GYS2: variants seen among roughly 807,000 people sequenced by gnomAD.
GYS2 encodes the protein glycogen synthase 2.
GYS2 carries 80 observed loss-of-function variants against 85.6 expected under a neutral mutation model. The observed-to-expected ratio is 0.93, with a 90% confidence interval of 0.78 to 1.13. GYS2 has a LOEUF of 1.13. Ranked by LOEUF, GYS2 falls within the 50% of genes most tolerant of loss-of-function variation. The pLI is 0.00. For missense variants in GYS2, 881 were observed against 854.9 expected (o/e 1.03, Z -0.38); for synonymous variants, 328 against 300.7 (o/e 1.09, Z -0.94).
intron 2 of GYS2, among the ~76,000 whole-genome samples, chr12:21,579,219 A>G (rs1339739443): frequency 2.0e-5 from 3 of 152,194 alleles, no homozygotes; most frequent in Non-Finnish European, 4.4e-5. Context: ...CCAATAGCCT[A>G]GTGGCTTAAA....
In GYS2 at chr12:21,600,356, G is replaced by T. The variant is rs1179900614; in HGVS notation, c.121+4116C>A. 2.0e-5 allele frequency among the ~76,000 whole-genome samples: 3 copies of T among 151,976 alleles called. No individual in the cohort carries two copies. The East Asian group carries it at 5.8e-4, about 29-fold the overall frequency. On this transcript the variant is annotated intron_variant, in intron 1 of 15. Coordinates refer to ENST00000261195, the MANE Select transcript of GYS2 (RefSeq NM_021957.4). ...TTCCCCAGGCTGGTATCCAACTCTT[G>T]GTCTCAAACAATTCTCCCACCTCAG... is the stretch of plus-strand genomic sequence containing the variant.
intron 2 of GYS2, 152 bp from the exon 3 acceptor site, chr12:21,576,209 C>A (rs763061254): frequency 1.5e-6 from 1 of 667,496 alleles, no homozygotes; most frequent in Non-Finnish European, 2.6e-6. Flanking sequence ...ATAGCCTCTG[C>A]TGTTTGAGCC....
chr12:21,577,479 T>C (rs986967430), intron 2 of GYS2, among the ~76,000 whole-genome samples: 2 of 152,176 alleles, frequency 1.3e-5, no homozygotes, highest in Admixed American at 6.5e-5. Context: ...GTCAGTTCCA[T>C]TGTGTTTCTC....
chr12:21,587,274 C>G (rs375214383), intron 1 of GYS2, among the ~76,000 whole-genome samples: 2 of 152,294 alleles, frequency 1.3e-5, no homozygotes, highest in South Asian at 4.1e-4. Flanking sequence ...ACTAAAAGCT[C>G]AGACTTCACC....
chr12:21,545,689 G>C (rs1010467057), intron 12 of GYS2, among the ~76,000 whole-genome samples: 1 of 152,084 alleles, frequency 6.6e-6, no homozygotes. Flanking sequence ...ACTACCATCT[G>C]TTAAAAAATA....
At position 21,575,950 on chromosome 12, in the gene GYS2, T is replaced by A. The variant is rs757714177; in HGVS notation, c.411A>T (p.Ala137=). The part of the protein sequence containing the change: ...LDRWKGDLWE[A]CSVGIPYHDR... ...CATGATAAGGAATGCCGACACTGCA[T>A]GCTTCCCAGAGGTCACCCTTCCACC... Residue 137 remains alanine, a synonymous_variant, in exon 3 of 16, where the codon GCA becomes GCT. Coordinates refer to ENST00000261195, the MANE Select transcript of GYS2 (RefSeq NM_021957.4). The A allele has an allele frequency of 6.2e-7, 1 of 1,613,918 alleles. No individual in the cohort carries two copies. The highest frequency in any genetic ancestry group is 8.5e-7 in the Non-Finnish European group (1 of 1,179,804).
At position 21,542,029 on chromosome 12, in the gene GYS2, A is replaced by T. The variant is rs138012514; in HGVS notation, c.1645+467T>A. 3.8e-3 allele frequency among the ~76,000 whole-genome samples: 571 copies of T among 149,688 alleles called. 2 individuals carry two copies. Among genetic ancestry groups the T allele is most frequent in the African/African-American group, 0.013 (527 of 41,196 alleles). ...AGCTGCGTCCATGTTGCTGCAAAGG[A>T]CAGAATTCTATTTATAAATCTACTT... On this transcript the variant is annotated intron_variant, in intron 13 of 15. Transcript: ENST00000261195.
At chr12:21,558,544 A>C (rs773197061) in intron 10 of GYS2, among the ~76,000 whole-genome samples, 1 of 152,128 alleles carries the variant, frequency 6.6e-6, no homozygotes, top group Non-Finnish European at 1.5e-5. Context: ...TGCAGCTACT[A>C]TATGAGAGAC....
At chr12:21,550,240 C>G (rs1312659452) in intron 11 of GYS2, among the ~76,000 whole-genome samples, 1 of 151,902 alleles carries the variant, frequency 6.6e-6, no homozygotes, top group Non-Finnish European at 1.5e-5. Flanking sequence ...ATTTAGCAAT[C>G]AAGACGTGGC....
intron 11 of GYS2, among the ~76,000 whole-genome samples, chr12:21,554,901 A>C (rs1871146): frequency 6.6e-6 from 1 of 152,182 alleles, no homozygotes; most frequent in Admixed American, 6.5e-5. Flanking sequence ...TTCATTTAGA[A>C]CGTCCAATTT....
At chr12:21,582,370 A>G (rs766736464) in intron 1 of GYS2, among the ~76,000 whole-genome samples, 1 of 152,150 alleles carries the variant, frequency 6.6e-6, no homozygotes, top group Non-Finnish European at 1.5e-5. Flanking sequence ...AGGCAGAAAA[A>G]TGTGAAAAGG....
intron 1 of GYS2, among the ~76,000 whole-genome samples, 177 bp from the exon 2 acceptor site, chr12:21,580,700 G>A (rs1393328260): frequency 6.6e-6 from 1 of 152,178 alleles, no homozygotes; most frequent in East Asian, 1.9e-4. Context: ...ACCAACGAAT[G>A]GTTACTGCTT....
Position 21,569,125 on chromosome 12 carries a change from C to T in GYS2, c.679-116G>A, listed in dbSNP as rs968012531. 11 of 998,698 alleles carry T rather than the reference C, an allele frequency of 1.1e-5. No individual in the cohort carries two copies. The African/African-American group carries it at 1.8e-4, about 16-fold the overall frequency. 61.9% of individuals were successfully genotyped at this position (998,698 alleles called of 1,614,324 possible). A position where few individuals can be genotyped will look rare whatever the true frequency, so the allele number is the denominator to read the frequency against. ...CTCAAGGCTGTGTAAAAATTTATGA[C>T]CACAAAAAAGTAATAAAAACTTGAA... On this transcript the variant is annotated intron_variant, in intron 4 of 15. Transcript: ENST00000261195.
At position 21,539,261 on chromosome 12, in the gene GYS2, T is replaced by C; in HGVS notation, c.1887A>G (p.Pro629=). The C allele has an allele frequency of 6.5e-7, 1 of 1,529,448 alleles. No homozygotes were observed. The highest frequency in any genetic ancestry group is 9.1e-7 in the Non-Finnish European group (1 of 1,103,112). The allele number at this position is 1,529,448 out of a possible 1,614,324, so 94.7% of individuals were successfully genotyped here. A position where few individuals can be genotyped will look rare whatever the true frequency, so the allele number is the denominator to read the frequency against. The part of the protein sequence containing the change: ...DKFHVELTSP[P]TTEGFKYPRP... ...AAAAAATACATTGAATATTTACCGT[T>C]GGTGGTGATGTTAGTTCCACATGGA... Residue 629 remains proline, a synonymous_variant, in exon 15 of 16, where the codon CCA becomes CCG. Coordinates refer to ENST00000261195, the MANE Select transcript of GYS2 (RefSeq NM_021957.4).
intron 1 of GYS2, among the ~76,000 whole-genome samples, chr12:21,582,612 T>C (rs536918478): frequency 6.6e-6 from 1 of 151,586 alleles, no homozygotes. Flanking sequence ...TAGATATAGA[T>C]ATAGATATAG....
At chr12:21,542,214 A>ATT (rs200095064) in intron 13 of GYS2, among the ~76,000 whole-genome samples, 3 of 151,674 alleles carry the variant, frequency 2.0e-5, no homozygotes, top group African/African-American at 7.3e-5. Context: ...TACTTGGCTA[A>ATT]TTTTTTTGTA....
intron 12 of GYS2, among the ~76,000 whole-genome samples, chr12:21,545,642 C>T (rs1197211791): frequency 3.9e-5 from 6 of 152,164 alleles, no homozygotes; most frequent in African/African-American, 7.2e-5. Context: ...CATGCCAGTT[C>T]GGTCCAGAAA....
Position 21,558,436 on chromosome 12 carries a change from AATG to A in GYS2, c.1309-126_1309-124del, listed in dbSNP as rs796664795. On this transcript the variant is annotated intron_variant, in intron 10 of 15. Transcript: ENST00000261195. ...ACCTTCAGTCTTTTGAGATGGCACT[AATG>A]ATGATGACTAAGTCTTGTGTGTGTG... The A allele has an allele frequency of 2.6e-5, 18 of 695,358 alleles. 1 individual carries two copies. The African/African-American group carries it at 2.6e-4, about 10-fold the overall frequency. 43.1% of individuals were successfully genotyped at this position (695,358 alleles called of 1,614,324 possible). A position where few individuals can be genotyped will look rare whatever the true frequency, so the allele number is the denominator to read the frequency against.
chr12:21,546,505 A>G (rs1228450227), intron 11 of GYS2, 35 bp from the exon 12 acceptor site: 11 of 1,478,638 alleles, frequency 7.4e-6, no homozygotes, highest in Admixed American at 1.9e-5. Flanking sequence ...AAAAAAAAGA[A>G]AAAGGAGCAA....
Sources: gnomAD v4.1 joint callset for allele counts (sites outside exome capture counted in the v4.1 genomes callset) on GRCh38, gnomAD v4.1.1 for gene constraint, MANE v1.5 for transcripts, NCBI Gene and HGNC (gene_info 2026-07-23, HGNC 2026-07-21) for gene names.